CDK6: variants seen among roughly 807,000 people sequenced by gnomAD.
CDK6 encodes the protein cyclin dependent kinase 6.
A neutral mutation model predicts 37.1 loss-of-function variants in CDK6; 6 were observed. That is an observed-to-expected ratio of 0.16 (90% CI 0.09 to 0.32). The LOEUF (loss-of-function observed/expected upper bound fraction) is 0.32, where lower values mean the gene tolerates loss of function less well. Ranked by LOEUF, CDK6 falls within the 10% of genes least tolerant of loss-of-function variation. CDK6 has a pLI of 1.00. For synonymous variants in CDK6, 160 were observed against 161.3 expected, an observed-to-expected ratio of 0.99 and a Z score of 0.06; for missense variants, 224 against 418.9, an observed-to-expected ratio of 0.53 and a Z score of 4.06.
rs1795516747 is a variant in CDK6, at chr7:92,609,601, T to G, written c.*5539A>C. The stretch of plus-strand genomic sequence containing the variant: ...GCTACTCATTTTGCTCACCTGATCT[T>G]TAAATTAGGATTTTAAAATTTAATC... On this transcript the variant is annotated 3_prime_UTR_variant, in exon 8 of 8. Transcript: ENST00000424848. 2 of 230,474 alleles carry G rather than the reference T, an allele frequency of 8.7e-6. No individual in the cohort carries two copies. The highest frequency in any genetic ancestry group is 1.7e-5 in the Non-Finnish European group (2 of 116,446). The allele number at this position is 230,474 out of a possible 1,614,324, so 14.3% of individuals were successfully genotyped here.
At chr7:92,797,102 C>T (rs1252276913) in intron 2 of CDK6, among the ~76,000 whole-genome samples, 1 of 152,116 alleles carries the variant, frequency 6.6e-6, no homozygotes, top group Admixed American at 6.6e-5. Context: ...GAAAAGCAAA[C>T]TCTGGAAAGA....
chr7:92,627,991 G>C (rs551962162), intron 5 of CDK6, among the ~76,000 whole-genome samples: 1 of 151,934 alleles, frequency 6.6e-6, no homozygotes, highest in East Asian at 1.9e-4. Context: ...TTAAGCATGC[G>C]GTATTAAAGT....
At chr7:92,658,462 G>T (rs1438722091) in intron 5 of CDK6, among the ~76,000 whole-genome samples, 6 of 152,152 alleles carry the variant, frequency 3.9e-5, no homozygotes, top group Non-Finnish European at 8.8e-5. Flanking sequence ...GACATATTAT[G>T]ATAAAATAAA....
chr7:92,834,033 A>T lies in CDK6; in HGVS notation c.-367-343T>A. The T allele has an allele frequency of 2.5e-6, 1 of 396,424 alleles. No individual in the cohort carries two copies. Among genetic ancestry groups the T allele is most frequent in the Non-Finnish European group, 4.4e-6 (1 of 225,216 alleles). The allele number at this position is 396,424 out of a possible 1,614,324, so 24.6% of individuals were successfully genotyped here. A position where few individuals can be genotyped will look rare whatever the true frequency, so the allele number is the denominator to read the frequency against. On this transcript the variant is annotated intron_variant, in intron 1 of 7. Coordinates refer to ENST00000424848, the MANE Select transcript of CDK6 (RefSeq NM_001145306.2). This position sits in a 1 kb window ranked among gnomAD's most constrained non-coding sequence, Gnocchi z 4.6. Reference sequence around the variant, plus strand: ...GGGGAGGGGAGGCGCCGGGCACGTCAATGTCACGGCTTAATATTTATCCCT... The same window carrying T: ...GGGGAGGGGAGGCGCCGGGCACGTCTATGTCACGGCTTAATATTTATCCCT...
At chr7:92,807,126 A>T (rs1011289146) in intron 2 of CDK6, among the ~76,000 whole-genome samples, 1 of 152,104 alleles carries the variant, frequency 6.6e-6, no homozygotes, top group Non-Finnish European at 1.5e-5. Context: ...CTTTCTACCT[A>T]ATCTTGAGAG....
At chr7:92,788,306 TTATC>T (rs1308159465) in intron 2 of CDK6, among the ~76,000 whole-genome samples, 2 of 152,168 alleles carry the variant, frequency 1.3e-5, no homozygotes, top group Non-Finnish European at 2.9e-5. Context: ...AACTGCAAGT[TTATC>T]TATTTCAAGG....
intron 3 of CDK6, among the ~76,000 whole-genome samples, chr7:92,740,266 C>T (rs969060898): frequency 6.6e-6 from 1 of 152,154 alleles, no homozygotes; most frequent in Non-Finnish European, 1.5e-5. Flanking sequence ...TGTTGCAATG[C>T]TATTTGCTTT....
chr7:92,751,423 A>AT (rs989619441), intron 3 of CDK6, among the ~76,000 whole-genome samples: 1 of 152,034 alleles, frequency 6.6e-6, no homozygotes, highest in Non-Finnish European at 1.5e-5. Flanking sequence ...ATACCCTCAG[A>AT]TTTTTTTTAA....
chr7:92,692,088 G>A (rs1780940157), intron 4 of CDK6, among the ~76,000 whole-genome samples: 1 of 151,254 alleles, frequency 6.6e-6, no homozygotes, highest in South Asian at 2.1e-4. Flanking sequence ...ACCAACATGG[G>A]GAAACTCCAT....
At chr7:92,739,110 C>A (rs1224455663) in intron 3 of CDK6, among the ~76,000 whole-genome samples, 1 of 152,154 alleles carries the variant, frequency 6.6e-6, no homozygotes, top group Non-Finnish European at 1.5e-5. Flanking sequence ...CTAGTAAGCT[C>A]CCTTTGCTAT....
At chr7:92,657,310 T>G (rs1384402439) in intron 5 of CDK6, among the ~76,000 whole-genome samples, 1 of 152,178 alleles carries the variant, frequency 6.6e-6, no homozygotes, top group Non-Finnish European at 1.5e-5. Flanking sequence ...AAGCAGCTGA[T>G]GGAAAAGCTT....
At chr7:92,666,703 A>G (rs187509854) in intron 5 of CDK6, among the ~76,000 whole-genome samples, 1 of 152,332 alleles carries the variant, frequency 6.6e-6, no homozygotes, top group East Asian at 1.9e-4. Context: ...AGTGCAGTGC[A>G]TTACTCACTT....
At chr7:92,641,613 C>T (rs1200701283) in intron 5 of CDK6, among the ~76,000 whole-genome samples, 1 of 152,124 alleles carries the variant, frequency 6.6e-6, no homozygotes, top group African/African-American at 2.4e-5. Context: ...GAACATAATA[C>T]ATACTATTTA....
At chr7:92,819,954 GAGAAT>G (rs1306123247) in intron 2 of CDK6, among the ~76,000 whole-genome samples, 11 of 151,970 alleles carry the variant, frequency 7.2e-5, no homozygotes, top group Admixed American at 2.0e-4. Flanking sequence ...ACCTTGTAAA[GAGAAT>G]AGAACAAATG....
At chr7:92,786,569 G>T (rs1219781046) in intron 2 of CDK6, among the ~76,000 whole-genome samples, 1 of 151,446 alleles carries the variant, frequency 6.6e-6, no homozygotes, top group Non-Finnish European at 1.5e-5. Flanking sequence ...ACATCACTGT[G>T]GGAATACAAA....
intron 5 of CDK6, among the ~76,000 whole-genome samples, chr7:92,653,206 C>T (rs182875730): frequency 6.6e-6 from 1 of 152,298 alleles, no homozygotes; most frequent in South Asian, 2.1e-4. Flanking sequence ...GGATTGTCTC[C>T]CCTTTCACCT....
intron 6 of CDK6, among the ~76,000 whole-genome samples, chr7:92,620,173 T>C (rs1235563951): frequency 6.6e-6 from 1 of 152,212 alleles, no homozygotes; most frequent in Non-Finnish European, 1.5e-5. Flanking sequence ...AAGTATATGA[T>C]CAACTGAATG....
At chr7:92,737,483 C>T (rs1037479684) in intron 3 of CDK6, among the ~76,000 whole-genome samples, 3 of 152,152 alleles carry the variant, frequency 2.0e-5, no homozygotes, top group African/African-American at 7.2e-5. Context: ...TATACCTGGA[C>T]AGATTTTTCT....
intron 4 of CDK6, among the ~76,000 whole-genome samples, chr7:92,676,533 AAAAG>A (rs772553944): frequency 4.6e-5 from 7 of 152,168 alleles, no homozygotes; most frequent in Non-Finnish European, 7.4e-5. Flanking sequence ...GTCAAACTCT[AAAAG>A]AGAGTTGAGT....
Sources: allele counts gnomAD v4.1 joint callset (sites outside exome capture counted in the v4.1 genomes callset), GRCh38; gene constraint gnomAD v4.1.1; non-coding constraint Gnocchi (gnomAD v3.1); transcripts MANE v1.5; gene names NCBI Gene and HGNC (gene_info 2026-07-23, HGNC 2026-07-21).